TBC1D22A: variants seen among roughly 807,000 people sequenced by gnomAD.
The protein encoded by TBC1D22A is putative GTPase activator.
TBC1D22A carries 38 observed loss-of-function variants against 60.2 expected under a neutral mutation model. That is an observed-to-expected ratio of 0.63 (90% CI 0.49 to 0.83). The LOEUF is 0.83. Ranked by LOEUF, TBC1D22A falls within the 40% of genes least tolerant of loss-of-function variation. The probability of loss-of-function intolerance (pLI) is 0.00; values close to 1 mark genes in which losing one functional copy is unlikely to be tolerated. For missense variants in TBC1D22A, 628 were observed against 701.0 expected, an observed-to-expected ratio of 0.90 and a Z score of 1.18; for synonymous variants, 302 against 281.7, an observed-to-expected ratio of 1.07 and a Z score of -0.72.
chr22:47,095,306 C>CGG (rs2065130681), intron 11 of TBC1D22A, among the ~76,000 whole-genome samples: 1 of 152,196 alleles, frequency 6.6e-6, no homozygotes, highest in African/African-American at 2.4e-5. Flanking sequence ...TACGCATATG[C>CGG]GGGGAAATCT....
chr22:46,816,565 G>A (rs1000665599), intron 4 of TBC1D22A, among the ~76,000 whole-genome samples: 2 of 152,358 alleles, frequency 1.3e-5, no homozygotes, highest in South Asian at 4.1e-4. Context: ...TTTTATTGGG[G>A]CACATTGTGT....
intron 7 of TBC1D22A, among the ~76,000 whole-genome samples, chr22:46,897,640 G>GTTTTTTTTTTTTTT (rs1210846664): frequency 1.8e-5 from 2 of 108,378 alleles, no homozygotes; most frequent in African/African-American, 8.5e-5. Flanking sequence ...GTTTCGTTTT[G>GTTTTTTTTTTTTTT]TTTTTTTTTG....
chr22:47,118,444 T>A (rs2066149004), intron 12 of TBC1D22A, among the ~76,000 whole-genome samples: 1 of 152,204 alleles, frequency 6.6e-6, no homozygotes, highest in South Asian at 2.1e-4. Flanking sequence ...GACCCTGTAA[T>A]TACAGAAGGA....
At chr22:46,989,163 C>T (rs542729845) in intron 9 of TBC1D22A, among the ~76,000 whole-genome samples, 2 of 152,346 alleles carry the variant, frequency 1.3e-5, no homozygotes, top group South Asian at 4.1e-4. Flanking sequence ...GAATTAGGGT[C>T]TTGCTCTGGA....
Position 47,174,014 on chromosome 22 carries a change from G to A in TBC1D22A, c.*388G>A. The A allele has an allele frequency of 5.0e-6, 1 of 201,772 alleles. No individual in the cohort carries two copies. The highest frequency in any genetic ancestry group is 1.0e-5 in the Non-Finnish European group (1 of 97,870). The allele number at this position is 201,772 out of a possible 1,614,324, so 12.5% of individuals were successfully genotyped here. A position where few individuals can be genotyped will look rare whatever the true frequency, so the allele number is the denominator to read the frequency against. On this transcript the variant is annotated 3_prime_UTR_variant, in exon 13 of 13. Transcript: ENST00000337137. ...GTGCCAGGGCCGGAACGAGGTAGTG[G>A]CCATCTCATACCTACTCTGAAATGC...
intron 1 of TBC1D22A, among the ~76,000 whole-genome samples, chr22:46,782,787 G>A (rs1601842148): frequency 6.6e-6 from 1 of 152,204 alleles, no homozygotes; most frequent in South Asian, 2.1e-4. Context: ...CACCCATGCT[G>A]TGTTGCGTAC....
Position 47,047,579 on chromosome 22 carries a change from G to A in TBC1D22A, c.1329+10381G>A, listed in dbSNP as rs115035357. 1.8e-3 allele frequency among the ~76,000 whole-genome samples: 281 copies of A among 152,342 alleles called. 2 individuals carry two copies. Among genetic ancestry groups the A allele is most frequent in the African/African-American group, 6.3e-3 (264 of 41,582 alleles). ...AGTCCTGGGGCTGTCGGGAAGCACC[G>A]GCTGCCCCAACCCTGGGCAAGTGGC... is the stretch of plus-strand genomic sequence containing the variant. On this transcript the variant is annotated intron_variant, in intron 11 of 12. Transcript: ENST00000337137.
chr22:46,864,258 C>T (rs6009006), intron 4 of TBC1D22A, among the ~76,000 whole-genome samples: 61,070 of 152,062 alleles, frequency 0.4, 12,329 homozygotes, highest in Non-Finnish European at 0.41. Context: ...TCCCATAACT[C>T]GAGAAAAGCT....
At chr22:46,773,966 C>G (rs936801685) in intron 1 of TBC1D22A, 2 of 985,412 alleles carry the variant, frequency 2.0e-6, no homozygotes, top group African/African-American at 3.5e-5. Context: ...TCATCCTTAT[C>G]TCCTCCATTC....
intron 10 of TBC1D22A, among the ~76,000 whole-genome samples, chr22:47,008,002 G>A (rs1045620768): frequency 2.0e-5 from 3 of 152,160 alleles, no homozygotes; most frequent in African/African-American, 4.8e-5. Flanking sequence ...TTGGGCAGGT[G>A]GAGCAGAAGA....
At chr22:47,116,403 C>T (rs780733013) in intron 12 of TBC1D22A, 4 of 152,258 alleles carry the variant, frequency 2.6e-5, no homozygotes, top group Non-Finnish European at 5.9e-5. Flanking sequence ...CTGAGGAGGC[C>T]TCGGCAGCTG....
At chr22:46,967,513 A>G (rs981838064) in intron 8 of TBC1D22A, among the ~76,000 whole-genome samples, 6 of 152,200 alleles carry the variant, frequency 3.9e-5, no homozygotes, top group African/African-American at 1.4e-4. Context: ...GGGTTTGTGC[A>G]GTGTGGGTGA....
Position 47,104,081 on chromosome 22 carries a change from C to T in TBC1D22A, c.1330-7427C>T, listed in dbSNP as rs1038483315. 6.9e-4 allele frequency among the ~76,000 whole-genome samples: 105 copies of T among 151,846 alleles called. 1 individual carries two copies. Among genetic ancestry groups the T allele is most frequent in the East Asian group, 1.9e-4 (1 of 5,136 alleles). ...CAGCACTTTGGGAGGCAGAGGCAGG[C>T]GGATCATGAGGTCAGGAGTTTGAGA... is the stretch of plus-strand genomic sequence containing the variant. On this transcript the variant is annotated intron_variant, in intron 11 of 12. Coordinates refer to ENST00000337137, the MANE Select transcript of TBC1D22A (RefSeq NM_014346.5).
At chr22:46,974,222 G>GC in intron 8 of TBC1D22A, 68 bp from the exon 9 acceptor site, 1 of 1,328,318 alleles carries the variant, frequency 7.5e-7, no homozygotes, top group Non-Finnish European at 1.1e-6. Flanking sequence ...TCCTCCGTGG[G>GC]CCCCCTCGTG....
At position 47,174,023 on chromosome 22, in the gene TBC1D22A, T is replaced by C. The variant is rs1356723212; in HGVS notation, c.*397T>C. On this transcript the variant is annotated 3_prime_UTR_variant, in exon 13 of 13. Transcript: ENST00000337137. The stretch of plus-strand genomic sequence containing the variant: ...CCGGAACGAGGTAGTGGCCATCTCA[T>C]ACCTACTCTGAAATGCAAAACTTCT... 5.4e-6 allele frequency: 1 copy of C among 185,252 alleles called. No homozygotes were observed. Among genetic ancestry groups the C allele is most frequent in the African/African-American group, 2.4e-5 (1 of 42,404 alleles). 11.5% of individuals were successfully genotyped at this position (185,252 alleles called of 1,614,324 possible).
intron 11 of TBC1D22A, among the ~76,000 whole-genome samples, chr22:47,108,499 C>CT (rs2065722646): frequency 6.6e-6 from 1 of 152,094 alleles, no homozygotes. Flanking sequence ...GAAATGTAAG[C>CT]TAATGTATAG....
At chr22:47,109,511 G>A (rs1319150835) in intron 11 of TBC1D22A, among the ~76,000 whole-genome samples, 1 of 152,178 alleles carries the variant, frequency 6.6e-6, no homozygotes, top group African/African-American at 2.4e-5. Context: ...AGTCCTTGGT[G>A]TTTATTTCTG....
intron 10 of TBC1D22A, among the ~76,000 whole-genome samples, chr22:47,030,056 G>A (rs531993638): frequency 1.6e-4 from 24 of 152,382 alleles, no homozygotes; most frequent in African/African-American, 4.8e-4. Flanking sequence ...GAGAAAGGAG[G>A]TGGGCTCAGA....
intron 11 of TBC1D22A, among the ~76,000 whole-genome samples, chr22:47,096,914 G>A (rs544027578): frequency 7.2e-5 from 11 of 152,218 alleles, no homozygotes; most frequent in South Asian, 2.1e-4. Flanking sequence ...CCCTCAGTTC[G>A]CGTGTGGTGT....
Sources: allele counts gnomAD v4.1 joint callset (sites outside exome capture counted in the v4.1 genomes callset), GRCh38; gene constraint gnomAD v4.1.1; transcripts MANE v1.5; gene names NCBI Gene and HGNC (gene_info 2026-07-23, HGNC 2026-07-21).